Variants in PLEKHD1 observed in about 807,000 individuals in gnomAD.
PLEKHD1 encodes the protein pleckstrin homology domain-containing family D member 1.
Under a neutral mutation model 69.2 loss-of-function variants are expected in PLEKHD1, and 51 were observed. That is an observed-to-expected ratio of 0.74 (90% CI 0.59 to 0.93). PLEKHD1 has a LOEUF of 0.93. PLEKHD1 is among the 40% of genes least tolerant of loss of function. The pLI is 0.00. For synonymous variants in PLEKHD1, 236 were observed against 244.7 expected, an observed-to-expected ratio of 0.96 and a Z score of 0.33; for missense variants, 584 against 641.0, an observed-to-expected ratio of 0.91 and a Z score of 0.96.
intron 6 of PLEKHD1, 70 bp from the exon 7 acceptor site, chr14:69,522,213 G>C (rs1226987376): frequency 5.0e-6 from 7 of 1,403,422 alleles, no homozygotes; most frequent in South Asian, 2.5e-5. Flanking sequence ...CCTTGGGATA[G>C]AGTGGGGGAT....
At chr14:69,509,895 A>G (rs1191493969) in intron 6 of PLEKHD1, among the ~76,000 whole-genome samples, 1 of 151,864 alleles carries the variant, frequency 6.6e-6, no homozygotes, top group Non-Finnish European at 1.5e-5. Flanking sequence ...CCAAGATCAC[A>G]CCACTGCACC....
At chr14:69,482,988 GA>G (rs1304762034), upstream of PLEKHD1, among the ~76,000 whole-genome samples, 1 of 152,008 alleles carries the variant, frequency 6.6e-6, no homozygotes, top group Non-Finnish European at 1.5e-5. Flanking sequence ...CCAAGCATTA[GA>G]CCATGTGTCA....
chr14:69,500,775 C>T (rs1401384654), intron 3 of PLEKHD1, 96 bp from the exon 4 acceptor site: 1 of 1,525,862 alleles, frequency 6.6e-7, no homozygotes, highest in African/African-American at 1.4e-5. Flanking sequence ...GCATCAGCAC[C>T]CAGGGATGTG....
chr14:69,488,438 G>A (rs1882700959), intron 1 of PLEKHD1, among the ~76,000 whole-genome samples: 4 of 152,170 alleles, frequency 2.6e-5, no homozygotes, highest in Admixed American at 1.3e-4. Flanking sequence ...CCTGGGGTTT[G>A]GTCTCACTTT....
At chr14:69,507,587 C>A (rs1333732240) in intron 6 of PLEKHD1, among the ~76,000 whole-genome samples, 1 of 152,220 alleles carries the variant, frequency 6.6e-6, no homozygotes, top group Non-Finnish European at 1.5e-5. Context: ...AGTTGCCAAA[C>A]TGTCTTCCAA....
chr14:69,527,883 C>A lies in PLEKHD1; in HGVS notation c.1302C>A (p.Ile434=). 6.4e-7 allele frequency: 1 copy of A among 1,551,484 alleles called. No individual in the cohort carries two copies. Among genetic ancestry groups the A allele is most frequent in the African/African-American group, 1.4e-5 (1 of 73,180 alleles). Residue 434 remains isoleucine (I), a synonymous_variant, in exon 12 of 13, where the codon ATC becomes ATA. Transcript: ENST00000322564. ...VYIHKAATRR[I]KSCRFHRRRS... is the part of the protein sequence containing the mutation. Reference sequence around the variant, plus strand: ...TCCATAAGGCAGCCACTCGCCGCATCAAGAGCTGCCGCTTCCACCGACGCC... The same window carrying A: ...TCCATAAGGCAGCCACTCGCCGCATAAAGAGCTGCCGCTTCCACCGACGCC...
chr14:69,515,336 A>T (rs914353808), intron 6 of PLEKHD1, among the ~76,000 whole-genome samples: 1 of 152,114 alleles, frequency 6.6e-6, no homozygotes, highest in African/African-American at 2.4e-5. Flanking sequence ...CCTCCCTAAG[A>T]TTGGCCCCCC....
chr14:69,530,470 TA>T lies in PLEKHD1; in HGVS notation c.*2055del, dbSNP rs1216229011. 1.3e-5 allele frequency: 2 copies of T among 152,214 alleles called. No individual in the cohort carries two copies. The highest frequency in any genetic ancestry group is 2.9e-5 in the Non-Finnish European group (2 of 68,038). The allele number at this position is 152,214 out of a possible 1,614,324, so 9.4% of individuals were successfully genotyped here. ...ACTTTGAATTGAAGGGGAATATTTA[TA>T]AAACCAAGATTACTGTTTCCTTTTT... On this transcript the variant is annotated 3_prime_UTR_variant, in exon 13 of 13. Coordinates refer to ENST00000322564, the MANE Select transcript of PLEKHD1 (RefSeq NM_001161498.2).
At chr14:69,480,174 C>T (rs1269155657), upstream of PLEKHD1, among the ~76,000 whole-genome samples, 2 of 152,188 alleles carry the variant, frequency 1.3e-5, no homozygotes, top group Admixed American at 1.3e-4. Context: ...GAAATCGGTG[C>T]CACAGCCTTG....
intron 6 of PLEKHD1, among the ~76,000 whole-genome samples, chr14:69,504,876 T>C (rs1469571501): frequency 6.6e-6 from 1 of 152,190 alleles, no homozygotes; most frequent in Admixed American, 6.5e-5. Context: ...CACAATTCTA[T>C]ACATTTCAAG....
At chr14:69,494,010 A>G (rs1051610273) in intron 1 of PLEKHD1, among the ~76,000 whole-genome samples, 53 of 152,192 alleles carry the variant, frequency 3.5e-4, no homozygotes, top group African/African-American at 1.1e-3. Flanking sequence ...GCTGGGCTGG[A>G]GCCAAGAGCT....
the PLEKHD1 span, among the ~76,000 whole-genome samples, chr14:69,469,989 T>C: frequency 6.6e-6 from 1 of 151,960 alleles, no homozygotes; most frequent in Non-Finnish European, 1.5e-5. Context: ...CCCAAAGTGC[T>C]GGGATTACAG....
At position 69,527,277 on chromosome 14, in the gene PLEKHD1, G is replaced by T. The variant is rs562491948; in HGVS notation, c.1146G>T (p.Lys382Asn). 1.3e-6 allele frequency: 2 copies of T among 1,551,848 alleles called. No individual in the cohort carries two copies. Among genetic ancestry groups the T allele is most frequent in the East Asian group, 4.9e-5 (2 of 40,920 alleles). ...LRSLEQGLNS[K>N]VRNKEKEERM... ...GCCTGGAACAGGGGCTGAATTCCAAGGTGCGGAATAAGGAGAAGGAGGAGA... is the reference window on the plus strand; with the variant it reads ...GCCTGGAACAGGGGCTGAATTCCAATGTGCGGAATAAGGAGAAGGAGGAGA... The change falls in exon 11 of 13, where the codon AAG becomes AAT. Residue 382 changes from lysine to asparagine, a missense_variant. Physicochemically the swap from Lys to Asn is moderately conservative, Grantham distance 94 (BLOSUM62 0). Coordinates refer to ENST00000322564, the MANE Select transcript of PLEKHD1 (RefSeq NM_001161498.2).
chr14:69,484,926 G>A lies in PLEKHD1; in HGVS notation c.-40G>A. 2 of 1,541,448 alleles carry A rather than the reference G, an allele frequency of 1.3e-6. No homozygotes were observed. The highest frequency in any genetic ancestry group is 2.0e-5 in the Admixed American group (1 of 50,628). On this transcript the variant is annotated 5_prime_UTR_variant, in exon 1 of 13. Coordinates refer to ENST00000322564, the MANE Select transcript of PLEKHD1 (RefSeq NM_001161498.2). Reference sequence around the variant, plus strand: ...GCCCCGAGTCCCTGCTGACCCCGGGGAGGTGGGGTCCGGGCCGGGCACAGC... The same window carrying A: ...GCCCCGAGTCCCTGCTGACCCCGGGAAGGTGGGGTCCGGGCCGGGCACAGC...
Position 69,527,804 on chromosome 14 carries a change from G to T in PLEKHD1, c.1223G>T (p.Arg408Leu). Residue 408 changes from arginine to leucine, a missense_variant, in exon 12 of 13, where the codon CGG (arginine) becomes CTG (leucine). Arg to Leu is a moderately radical substitution (Grantham distance 102, BLOSUM62 -2). Coordinates refer to ENST00000322564, the MANE Select transcript of PLEKHD1 (RefSeq NM_001161498.2). Reference protein sequence around the residue: ...HLKRFFEECIRNAELEAKMPV... With the variant: ...HLKRFFEECILNAELEAKMPV... ...ACAGGGTTCTTTGAGGAGTGCATCC[G>T]GAATGCCGAGCTGGAGGCCAAGATG... is the stretch of plus-strand genomic sequence containing the variant. 6.4e-7 allele frequency: 1 copy of T among 1,551,486 alleles called. No individual in the cohort carries two copies. The highest frequency in any genetic ancestry group is 8.7e-7 in the Non-Finnish European group (1 of 1,147,004).
chr14:69,520,087 A>C (rs2139525714), intron 6 of PLEKHD1, among the ~76,000 whole-genome samples: 1 of 148,250 alleles, frequency 6.7e-6, no homozygotes, highest in African/African-American at 2.5e-5. Flanking sequence ...TAATTGCTTG[A>C]ACCAGGGAGG....
chr14:69,519,059 A>C (rs1433749638), intron 6 of PLEKHD1, among the ~76,000 whole-genome samples: 1 of 152,152 alleles, frequency 6.6e-6, no homozygotes, highest in East Asian at 1.9e-4. Flanking sequence ...CAGCAGCTGA[A>C]GGGAGAAAAA....
intron 1 of PLEKHD1, 105 bp downstream of exon 1, chr14:69,485,219 G>GACCTTGGCGTCACCCCTTTTC (rs1270736021): frequency 2.5e-5 from 32 of 1,291,340 alleles, no homozygotes; most frequent in Non-Finnish European, 3.4e-5. Flanking sequence ...TTTCCTGTGT[G>GACCTTGGCGTCACCCCTTTTC]ACCTTGGCGT....
chr14:69,525,571 C>T (rs533302409), intron 8 of PLEKHD1, among the ~76,000 whole-genome samples: 3 of 152,090 alleles, frequency 2.0e-5, no homozygotes, highest in Non-Finnish European at 4.4e-5. Flanking sequence ...CAGCCTCGCT[C>T]TGTTTGTGAG....
Sources: gnomAD v4.1 joint callset for allele counts (sites outside exome capture counted in the v4.1 genomes callset) on GRCh38, gnomAD v4.1.1 for gene constraint, MANE v1.5 for transcripts, NCBI Gene and HGNC (gene_info 2026-07-23, HGNC 2026-07-21) for gene names.